ATP2A1: variants seen among roughly 807,000 people sequenced by gnomAD.
ATP2A1 encodes sarcoplasmic/endoplasmic reticulum calcium ATPase 1.
Under a neutral mutation model 109.5 loss-of-function variants are expected in ATP2A1, and 83 were observed. The observed-to-expected ratio is 0.76, with a 90% CI of 0.63 to 0.91. The LOEUF (loss-of-function observed/expected upper bound fraction) is 0.91. Among genes scored for constraint, ATP2A1 ranks in the 40% least tolerant of loss-of-function variants. The pLI, the probability that ATP2A1 is intolerant of heterozygous loss-of-function variation, is 0.00. For missense variants in ATP2A1, 1,101 were observed against 1,341.0 expected, an observed-to-expected ratio of 0.82 and a Z score of 2.80; for synonymous variants, 505 against 537.6, an observed-to-expected ratio of 0.94 and a Z score of 0.84.
Position 28,903,191 on chromosome 16 carries a change from A to G in ATP2A1, c.2862+44A>G. On this transcript the variant is annotated intron_variant, in intron 20 of 22. Transcript: ENST00000395503. This position sits in a 1 kb window ranked among gnomAD's most constrained non-coding sequence, Gnocchi z 5.6. The stretch of plus-strand genomic sequence containing the variant: ...AGGGCCGCCCACCCCAGCACTGGGG[A>G]GCCCACGGCGGGCCCATGACCACTC... 1 of 1,604,364 alleles carries G rather than the reference A, an allele frequency of 6.2e-7. No individual in the cohort carries two copies. Among genetic ancestry groups the G allele is most frequent in the Non-Finnish European group, 8.5e-7 (1 of 1,172,084 alleles).
chr16:28,878,696 A>G lies in ATP2A1; in HGVS notation c.25A>G (p.Thr9Ala). Reference sequence around the variant, plus strand: ...AATGGAGGCCGCTCATGCTAAAACCACGGAGGAATGTTTGGCCTATTTTGG... The same window carrying G: ...AATGGAGGCCGCTCATGCTAAAACCGCGGAGGAATGTTTGGCCTATTTTGG... MEAAHAKT[T>A]EECLAYFGVS... is the part of the protein sequence containing the mutation. The change falls in exon 1 of 23, where the codon ACG becomes GCG. Residue 9 changes from threonine to alanine, a missense_variant. By Grantham distance (58) the Thr-to-Ala change is moderately conservative. Coordinates refer to ENST00000395503, the MANE Select transcript of ATP2A1 (RefSeq NM_004320.6). 1 of 1,608,606 alleles carries G rather than the reference A, an allele frequency of 6.2e-7. No individual in the cohort carries two copies. The highest frequency in any genetic ancestry group is 1.1e-5 in the South Asian group (1 of 90,160).
chr16:28,879,733 T>C, intron 3 of ATP2A1, 150 bp downstream of exon 3: 1 of 934,596 alleles, frequency 1.1e-6, no homozygotes, highest in Middle Eastern at 3.1e-4. Flanking sequence ...GCGGGTGTGA[T>C]TCGCGTCCTC....
Position 28,898,049 on chromosome 16 carries a change from A to G in ATP2A1, c.1469A>G (p.Asp490Gly), listed in dbSNP as rs1318008238. The change falls in exon 13 of 23, where the codon GAC becomes GGC. Residue 490 changes from aspartate (D) to glycine (G), a missense_variant. Physicochemically the swap from Asp to Gly is moderately conservative, Grantham distance 94. Transcript: ENST00000395503. This position sits in a 1 kb window ranked among gnomAD's most constrained non-coding sequence, Gnocchi z 4.0. ...GAATTCACCCTGGAGTTCTCCCGAG[A>G]CAGAAAGTCCATGTCTGTCTATTGC... Reference protein sequence around the residue: ...KKEFTLEFSRDRKSMSVYCSP... With the variant: ...KKEFTLEFSRGRKSMSVYCSP... 1.9e-6 allele frequency: 3 copies of G among 1,614,074 alleles called. No homozygotes were observed. The highest frequency in any genetic ancestry group is 2.2e-5 in the East Asian group (1 of 44,878).
intron 4 of ATP2A1, among the ~76,000 whole-genome samples, chr16:28,881,812 AAAAG>A (rs1030347851): frequency 1.3e-5 from 2 of 151,832 alleles, no homozygotes; most frequent in African/African-American, 4.8e-5. Context: ...AAAAAAAAAA[AAAAG>A]AGAGAAATAG....
rs1476381050 is a variant in ATP2A1 at position 28,878,704 on chromosome 16, A to G, written c.33A>G (p.Glu11=). ...CCGCTCATGCTAAAACCACGGAGGA[A>G]TGTTTGGCCTATTTTGGGGTGAGTG... is the stretch of plus-strand genomic sequence containing the variant. The part of the protein sequence containing the change: MEAAHAKTTE[E]CLAYFGVSET... Residue 11 remains glutamate (E), a synonymous_variant, in exon 1 of 23, where the codon GAA becomes GAG. Transcript: ENST00000395503. 2.5e-6 allele frequency: 4 copies of G among 1,610,598 alleles called. No homozygotes were observed. In the South Asian group the frequency reaches 3.3e-5, roughly 13 times the overall value.
chr16:28,895,595 G>C (rs1449957579), intron 12 of ATP2A1, among the ~76,000 whole-genome samples: 1 of 151,976 alleles, frequency 6.6e-6, no homozygotes, highest in East Asian at 1.9e-4. Flanking sequence ...GGAGGCTGAG[G>C]TGGGAGGATC....
intron 14 of ATP2A1, 94 bp from the exon 15 acceptor site, chr16:28,900,477 ACCACTTCCTG>A: frequency 2.8e-6 from 1 of 360,976 alleles, no homozygotes; most frequent in Non-Finnish European, 4.2e-6. Flanking sequence ...ACCCCTCCCC[ACCACTTCCTG>A]ACCTTTCACC....
chr16:28,893,484 G>A (rs367567292), intron 9 of ATP2A1, among the ~76,000 whole-genome samples: 14 of 152,074 alleles, frequency 9.2e-5, no homozygotes, highest in African/African-American at 3.4e-4. Flanking sequence ...CTGCAAAACT[G>A]GAAGATCTGG....
At chr16:28,884,451 T>C (rs1963564656) in intron 5 of ATP2A1, 124 bp from the exon 6 acceptor site, 1 of 927,696 alleles carries the variant, frequency 1.1e-6, no homozygotes, top group Admixed American at 2.0e-5. Context: ...ATGCAAGCCC[T>C]GGGAGCCTCC....
rs1963408378 is a variant in ATP2A1, at chr16:28,879,916, G to A, written c.219+333G>A. 1.7e-5 allele frequency: 14 copies of A among 825,680 alleles called. No individual in the cohort carries two copies. The Admixed American group carries it at 4.8e-4, about 28-fold the overall frequency. 51.1% of individuals were successfully genotyped at this position (825,680 alleles called of 1,614,324 possible). A position where few individuals can be genotyped will look rare whatever the true frequency, so the allele number is the denominator to read the frequency against. Reference sequence around the variant, plus strand: ...CCGCGATGCCGGCTGCGGCGCGGGGGGCCACTGCCACTCCCGGCATGCGCC... The same window carrying A: ...CCGCGATGCCGGCTGCGGCGCGGGGAGCCACTGCCACTCCCGGCATGCGCC... On this transcript the variant is annotated intron_variant, in intron 3 of 22. Transcript: ENST00000395503.
chr16:28,883,379 C>T lies in ATP2A1; in HGVS notation c.463+790C>T, dbSNP rs1963539848. On this transcript the variant is annotated intron_variant, in intron 5 of 22. Coordinates refer to ENST00000395503, the MANE Select transcript of ATP2A1 (RefSeq NM_004320.6). The surrounding 1 kb of genome is among the most constrained non-coding windows in gnomAD (Gnocchi z 5.2). ...GCGCCCCATCACAGGGCAGCCTTGC[C>T]GCCGTGACAGCATGGAGTCAGCGCC... Among the ~76,000 whole-genome samples the T allele has an allele frequency of 6.6e-6, 1 of 152,192 alleles. No homozygotes were observed. The highest frequency in any genetic ancestry group is 2.4e-5 in the African/African-American group (1 of 41,450).
chr16:28,879,165 C>CGCCCTGTCCCACTCCCTCCTCCCT (rs1963373291), intron 2 of ATP2A1, 49 bp downstream of exon 2: 1 of 1,604,796 alleles, frequency 6.2e-7, no homozygotes, highest in African/African-American at 1.3e-5. Flanking sequence ...CCCCCCACCC[C>CGCCCTGTCCCACTCCCTCCTCCCT]GCCCTGTCCC....
At chr16:28,890,396 T>C (rs941780083) in intron 9 of ATP2A1, among the ~76,000 whole-genome samples, 69 of 151,676 alleles carry the variant, frequency 4.5e-4, no homozygotes, top group African/African-American at 1.6e-3. Context: ...AACCCAGAGA[T>C]TGCTTGAGCC....
At chr16:28,886,908 G>T (rs1353574515) in intron 6 of ATP2A1, among the ~76,000 whole-genome samples, 8 of 150,786 alleles carry the variant, frequency 5.3e-5, no homozygotes, top group African/African-American at 2.0e-4. Flanking sequence ...TGAGGCAGGA[G>T]TATTGCCTGA....
At position 28,903,061 on chromosome 16, in the gene ATP2A1, C is replaced by T. The variant is rs769822529; in HGVS notation, c.2776C>T (p.Pro926Ser). 8.1e-6 allele frequency: 13 copies of T among 1,613,718 alleles called. No homozygotes were observed. Among genetic ancestry groups the T allele is most frequent in the Non-Finnish European group, 1.1e-5 (13 of 1,179,994 alleles). The part of the protein sequence containing the change: ...LSENQSLLRM[P>S]PWVNIWLLGS... Reference sequence around the variant, plus strand: ...CGAGAACCAGTCCCTGCTGCGGATGCCACCCTGGGTGAACATCTGGCTGCT... The same window carrying T: ...CGAGAACCAGTCCCTGCTGCGGATGTCACCCTGGGTGAACATCTGGCTGCT... The change falls in exon 20 of 23, where the codon CCA becomes TCA. Residue 926 changes from proline to serine, a missense_variant. Coordinates refer to ENST00000395503, the MANE Select transcript of ATP2A1 (RefSeq NM_004320.6). The surrounding 1 kb of genome is among the most constrained non-coding windows in gnomAD (Gnocchi z 5.6).
At chr16:28,889,524 C>T (rs935440576) in intron 9 of ATP2A1, among the ~76,000 whole-genome samples, 3 of 152,162 alleles carry the variant, frequency 2.0e-5, no homozygotes, top group Non-Finnish European at 2.9e-5. Context: ...TCCCAAAGTG[C>T]TGGGATGATA....
chr16:28,898,200 T>C lies in ATP2A1; in HGVS notation c.1546-33T>C, dbSNP rs1963970654. 1 of 1,614,046 alleles carries C rather than the reference T, an allele frequency of 6.2e-7. No individual in the cohort carries two copies. Among genetic ancestry groups the C allele is most frequent in the Non-Finnish European group, 8.5e-7 (1 of 1,179,880 alleles). ...ACCTGTCACTGCCCTGGAAGGAAAG[T>C]GGTGGTCTCTGAATGCTGTTCTGGT... On this transcript the variant is annotated intron_variant, in intron 13 of 22. Coordinates refer to ENST00000395503, the MANE Select transcript of ATP2A1 (RefSeq NM_004320.6). The surrounding 1 kb of genome is among the most constrained non-coding windows in gnomAD (Gnocchi z 4.0).
chr16:28,891,585 G>A (rs1267042021), intron 9 of ATP2A1, among the ~76,000 whole-genome samples: 59 of 13,694 alleles, frequency 4.3e-3, no homozygotes, highest in South Asian at 7.8e-3. Context: ...GCGAGACTCC[G>A]TCTCAAAAAA....
chr16:28,887,812 G>GT (rs1335123839), intron 8 of ATP2A1, 90 bp downstream of exon 8: 35 of 1,517,166 alleles, frequency 2.3e-5, no homozygotes, highest in African/African-American at 1.4e-4. Flanking sequence ...TTTCTTTTTT[G>GT]TTTTTTGAGA....
Sources: allele counts gnomAD v4.1 joint callset (sites outside exome capture counted in the v4.1 genomes callset), GRCh38; gene constraint gnomAD v4.1.1; non-coding constraint Gnocchi (gnomAD v3.1); transcripts MANE v1.5; gene names NCBI Gene and HGNC (gene_info 2026-07-23, HGNC 2026-07-21).